Variants in C2orf92 observed in about 807,000 individuals in gnomAD.
The protein encoded by C2orf92 is chromosome 2 open reading frame 92.
At chr2:97,664,154 T>C (rs2104513504), upstream of C2orf92, 1 of 228,472 alleles carries the variant, frequency 4.4e-6, no homozygotes, top group Non-Finnish European at 8.5e-6. Context: ...GGCCAGCCAA[T>C]TGAGGTCGTC....
intron 3 of C2orf92, chr2:97,677,589 A>C (rs1298259010): frequency 6.6e-6 from 1 of 152,228 alleles, no homozygotes; most frequent in East Asian, 1.9e-4. Context: ...ACTGAAAGAG[A>C]GGATTAGATT....
At chr2:97,668,250 G>C (rs1363578946), upstream of C2orf92, 1 of 152,138 alleles carries the variant, frequency 6.6e-6, no homozygotes, top group Non-Finnish European at 1.5e-5. Flanking sequence ...TGGTTACCAT[G>C]ACCTGCTGTT....
Position 97,701,288 on chromosome 2 carries a change from A to G in C2orf92, c.649A>G (p.Arg217Gly). The G allele has an allele frequency of 2.5e-6, 1 of 399,058 alleles. No homozygotes were observed. The allele number at this position is 399,058 out of a possible 1,614,324, so 24.7% of individuals were successfully genotyped here. Residue 217 changes from arginine (R) to glycine (G), a missense_variant, in exon 7 of 8, where the codon AGG (arginine) becomes GGG (glycine). Physicochemically the swap from Arg to Gly is moderately radical, Grantham distance 125. Transcript: ENST00000627399. ...LLLLGLASYI[R>G]KKQPSSPLAN... is the part of the protein sequence containing the mutation. The stretch of plus-strand genomic sequence containing the variant: ...GCTGCTTGGGTTGGCCTCATACATC[A>G]GGAAGAAACAGCCATCGTGCGTGGT...
At chr2:97,669,999 G>A (rs907358179) in intron 1 of C2orf92, among the ~76,000 whole-genome samples, 165 bp downstream of exon 1, 7 of 152,080 alleles carry the variant, frequency 4.6e-5, no homozygotes, top group African/African-American at 1.7e-4. Context: ...TTGGGGGAAG[G>A]GAGTAACTGA....
upstream of C2orf92, chr2:97,666,919 A>C (rs1252813142): frequency 6.6e-6 from 1 of 151,674 alleles, no homozygotes; most frequent in African/African-American, 2.4e-5. Flanking sequence ...TGTTTTCCTA[A>C]TAGCATGAAC....
intron 3 of C2orf92, among the ~76,000 whole-genome samples, chr2:97,683,789 C>A (rs1322627937): frequency 2.0e-5 from 3 of 152,108 alleles, no homozygotes; most frequent in Non-Finnish European, 4.4e-5. Flanking sequence ...TAGTATAAGG[C>A]TAATCACATA....
chr2:97,669,090 T>C (rs1437302243), upstream of C2orf92: 2 of 152,116 alleles, frequency 1.3e-5, no homozygotes, highest in South Asian at 2.1e-4. Context: ...AAAATGAACA[T>C]GGAGAAAAAA....
At chr2:97,664,980 C>T (rs1292979050), upstream of C2orf92, among the ~76,000 whole-genome samples, 1 of 152,242 alleles carries the variant, frequency 6.6e-6, no homozygotes, top group Non-Finnish European at 1.5e-5. Context: ...CTGCTCTGTG[C>T]CTGCGGAGCA....
intron 4 of C2orf92, 57 bp downstream of exon 4, chr2:97,689,050 T>C (rs1209730426): frequency 1.5e-5 from 6 of 398,344 alleles, no homozygotes; most frequent in Non-Finnish European, 2.7e-5. Flanking sequence ...CTATGTGTTG[T>C]CTTAAATGTG....
At chr2:97,694,773 T>C (rs982461362) in intron 5 of C2orf92, among the ~76,000 whole-genome samples, 3 of 152,156 alleles carry the variant, frequency 2.0e-5, no homozygotes, top group Non-Finnish European at 4.4e-5. Context: ...TGCTGGATGA[T>C]ATGATTTTGG....
intron 1 of C2orf92, among the ~76,000 whole-genome samples, chr2:97,672,801 G>A (rs1309369094): frequency 6.6e-6 from 1 of 152,114 alleles, no homozygotes; most frequent in Non-Finnish European, 1.5e-5. Context: ...GACCCCGATG[G>A]TTCATTTTCT....
At chr2:97,690,703 C>T (rs1310811941) in intron 5 of C2orf92, among the ~76,000 whole-genome samples, 2 of 150,824 alleles carry the variant, frequency 1.3e-5, no homozygotes, top group African/African-American at 4.9e-5. Flanking sequence ...TTTACCTGAC[C>T]TGAGTTCAGA....
intron 5 of C2orf92, among the ~76,000 whole-genome samples, chr2:97,697,768 C>T (rs1279568433): frequency 6.6e-6 from 1 of 152,032 alleles, no homozygotes; most frequent in Non-Finnish European, 1.5e-5. Flanking sequence ...CGCTCTGTTA[C>T]CTGGGCTGGA....
Position 97,692,263 on chromosome 2 carries a change from A to G in C2orf92, c.403+1936A>G, listed in dbSNP as rs562870938. ...AAGTCACTTAATTTTCTGTGTTGCT[A>G]TTGTAAGAGAGGGGGTTTCTCTATC... On this transcript the variant is annotated intron_variant, in intron 5 of 7. Coordinates refer to ENST00000627399, the MANE Select transcript of C2orf92 (RefSeq NM_001351368.2). Among the ~76,000 whole-genome samples, 5 of 152,144 alleles carry G rather than the reference A, an allele frequency of 3.3e-5. No homozygotes were observed. In the South Asian group the frequency reaches 6.2e-4, roughly 19 times the overall value.
upstream of C2orf92, among the ~76,000 whole-genome samples, chr2:97,666,094 A>G (rs1201309916): frequency 1.3e-5 from 2 of 151,942 alleles, no homozygotes; most frequent in African/African-American, 2.4e-5. Flanking sequence ...TAACTATCTT[A>G]AATCATATAT....
intron 3 of C2orf92, among the ~76,000 whole-genome samples, chr2:97,684,622 A>C: frequency 6.6e-6 from 1 of 152,340 alleles, no homozygotes; most frequent in South Asian, 2.1e-4. Flanking sequence ...AAATAGCTAC[A>C]TTGGACATCA....
chr2:97,669,812 C>A lies in C2orf92; in HGVS notation c.24C>A (p.Phe8Leu). The A allele has an allele frequency of 2.5e-6, 1 of 398,658 alleles. No homozygotes were observed. The highest frequency in any genetic ancestry group is 4.4e-6 in the Non-Finnish European group (1 of 226,084). The allele number at this position is 398,658 out of a possible 1,614,324, so 24.7% of individuals were successfully genotyped here. A position where few individuals can be genotyped will look rare whatever the true frequency, so the allele number is the denominator to read the frequency against. Residue 8 changes from phenylalanine (F) to leucine (L), a missense_variant, in exon 1 of 8, where the codon TTC becomes TTA. Physicochemically the swap from Phe to Leu is conservative, Grantham distance 22. Transcript: ENST00000627399. ...AGATGAGCAGAGCCATGGCCCTCTT[C>A]TTTGTTCTCTGCTGGATCCAAGGTA... is the stretch of plus-strand genomic sequence containing the variant. The part of the protein sequence containing the change: MSRAMAL[F>L]FVLCWIQDEI...
At chr2:97,694,452 G>A (rs1161432236) in intron 5 of C2orf92, 45 of 149,694 alleles carry the variant, frequency 3.0e-4, no homozygotes, top group African/African-American at 1.0e-3. Context: ...AATAGAGATG[G>A]GGTTTCACTG....
intron 5 of C2orf92, 60 bp downstream of exon 5, chr2:97,690,387 T>TTC: frequency 4.4e-6 from 1 of 228,704 alleles, no homozygotes; most frequent in Non-Finnish European, 8.4e-6. Flanking sequence ...CTTTTTCCTC[T>TTC]TTTTTTTTTT....
Sources: gnomAD v4.1 joint callset for allele counts (sites outside exome capture counted in the v4.1 genomes callset) on GRCh38, gnomAD v4.1.1 for gene constraint, MANE v1.5 for transcripts, NCBI Gene and HGNC (gene_info 2026-07-23, HGNC 2026-07-21) for gene names.